The following GNG2 variants were observed in gnomAD, a reference collection of about 807,000 sequenced individuals.
GNG2 encodes guanine nucleotide-binding protein G(I)/G(S)/G(O) subunit gamma-2.
In GNG2, 5 loss-of-function variants were observed where a neutral mutation model predicts 5.5. The observed-to-expected ratio is 0.91, with a 90% CI of 0.48 to 1.92. GNG2 has a LOEUF of 1.92. GNG2 is among the 30% of genes most tolerant of loss of function. The probability of loss-of-function intolerance (pLI) is 0.01; values close to 1 mark genes in which losing one functional copy is unlikely to be tolerated. For synonymous variants in GNG2, 28 were observed against 32.0 expected (o/e 0.88, Z 0.42); for missense variants, 55 against 88.4 (o/e 0.62, Z 1.52).
At chr14:51,900,803 G>A (rs1316261981) in intron 2 of GNG2, among the ~76,000 whole-genome samples, 1 of 152,062 alleles carries the variant, frequency 6.6e-6, no homozygotes, top group East Asian at 1.9e-4. Flanking sequence ...CTAATTGCCA[G>A]AAAGAGTAGC....
chr14:51,929,786 G>T (rs1887545156), intron 2 of GNG2, among the ~76,000 whole-genome samples: 2 of 152,116 alleles, frequency 1.3e-5, no homozygotes, highest in Admixed American at 1.3e-4. Context: ...AGGACAATAT[G>T]AGGCTGGCGT....
intron 2 of GNG2, chr14:51,916,605 G>C: frequency 2.5e-6 from 1 of 406,296 alleles, no homozygotes; most frequent in South Asian, 1.8e-5. Context: ...CCATTGAGGG[G>C]GAGGAAGCCA....
chr14:51,901,068 A>T (rs1294143509), intron 2 of GNG2, among the ~76,000 whole-genome samples: 1 of 152,264 alleles, frequency 6.6e-6, no homozygotes, highest in Admixed American at 6.5e-5. Context: ...TTTCTGAATT[A>T]TCATTTTATA....
chr14:51,908,556 A>G (rs930841574), intron 2 of GNG2, among the ~76,000 whole-genome samples: 1 of 148,328 alleles, frequency 6.7e-6, no homozygotes, highest in African/African-American at 2.5e-5. Flanking sequence ...CTATCTATCT[A>G]TCTATCCATA....
chr14:51,877,040 G>A (rs911451417), intron 1 of GNG2, among the ~76,000 whole-genome samples: 1 of 152,110 alleles, frequency 6.6e-6, no homozygotes, highest in Non-Finnish European at 1.5e-5. Context: ...AGCCACAGAG[G>A]TCATTAGTGG....
rs115537425 is a variant in GNG2, at chr14:51,891,288, T to A, written c.-30+13631T>A. 4.3e-3 allele frequency among the ~76,000 whole-genome samples: 655 copies of A among 152,322 alleles called. 3 individuals are homozygous for A. The highest frequency in any genetic ancestry group is 0.015 in the African/African-American group (641 of 41,572). ...CATCTGCTTCTTGGTAGCCTTCAGATCAACAATTCCTTCCCATTTGGGGGT... is the reference window on the plus strand; with the variant it reads ...CATCTGCTTCTTGGTAGCCTTCAGAACAACAATTCCTTCCCATTTGGGGGT... On this transcript the variant is annotated intron_variant, in intron 2 of 3. Transcript: ENST00000556766.
At chr14:51,904,379 G>C (rs1211404911) in intron 2 of GNG2, among the ~76,000 whole-genome samples, 1 of 152,142 alleles carries the variant, frequency 6.6e-6, no homozygotes, top group Non-Finnish European at 1.5e-5. Flanking sequence ...TCAGAACCTA[G>C]GAAGAGAGAG....
At chr14:51,839,490 T>C (rs958433934) in intron 2 of GNG2, among the ~76,000 whole-genome samples, 1 of 152,124 alleles carries the variant, frequency 6.6e-6, no homozygotes, top group Non-Finnish European at 1.5e-5. Context: ...GGGAATAGAA[T>C]GTGAGGTGGG....
intron 2 of GNG2, among the ~76,000 whole-genome samples, chr14:51,923,977 A>T (rs1204202389): frequency 6.6e-6 from 1 of 152,132 alleles, no homozygotes; most frequent in Middle Eastern, 3.2e-3. Flanking sequence ...TGTACTTCCT[A>T]CCCCAGTCTT....
intron 2 of GNG2, among the ~76,000 whole-genome samples, chr14:51,899,971 C>T (rs1384862093): frequency 1.3e-5 from 2 of 152,174 alleles, no homozygotes; most frequent in East Asian, 3.8e-4. Flanking sequence ...GCTATGAACA[C>T]CAGTGTACAA....
At chr14:51,862,123 A>C (rs1882534357) in intron 1 of GNG2, among the ~76,000 whole-genome samples, 1 of 152,240 alleles carries the variant, frequency 6.6e-6, no homozygotes, top group Non-Finnish European at 1.5e-5. Context: ...TATCTTTATG[A>C]AATCGATATG....
chr14:51,913,106 C>A (rs1886389922), intron 2 of GNG2: 1 of 152,050 alleles, frequency 6.6e-6, no homozygotes, highest in African/African-American at 2.4e-5. Flanking sequence ...GCAAAAGTGA[C>A]CATTGTTAAC....
At chr14:51,966,483 C>A in intron 3 of GNG2, 76 bp from the exon 4 acceptor site, 1 of 1,256,592 alleles carries the variant, frequency 8.0e-7, no homozygotes. Flanking sequence ...GATGCCAGGA[C>A]ATTGGGCTCT....
At chr14:51,872,895 C>G (rs1203845095) in intron 1 of GNG2, among the ~76,000 whole-genome samples, 1 of 152,144 alleles carries the variant, frequency 6.6e-6, no homozygotes, top group Non-Finnish European at 1.5e-5. Context: ...TCTTTTATAA[C>G]ACTTTACATG....
intron 2 of GNG2, chr14:51,914,360 T>C: frequency 5.8e-6 from 4 of 693,714 alleles, no homozygotes; most frequent in Non-Finnish European, 5.3e-6. Context: ...ACAGTAACCA[T>C]AGCTCCTGCT....
intron 2 of GNG2, among the ~76,000 whole-genome samples, chr14:51,843,896 C>T (rs1377255572): frequency 2.6e-5 from 4 of 152,220 alleles, no homozygotes. Flanking sequence ...CCAACTCATG[C>T]TTCCAAGCAG....
intron 2 of GNG2, among the ~76,000 whole-genome samples, chr14:51,896,184 A>G (rs879547973): frequency 1.3e-5 from 2 of 152,246 alleles, no homozygotes; most frequent in Non-Finnish European, 2.9e-5. Flanking sequence ...ATTAACTAGG[A>G]GGATCAATGC....
At chr14:51,862,276 T>C (rs988742637) in intron 1 of GNG2, among the ~76,000 whole-genome samples, 43 of 152,350 alleles carry the variant, frequency 2.8e-4, no homozygotes, top group Middle Eastern at 3.4e-3. Context: ...AAAGTACTGC[T>C]AGTATTGAAA....
At chr14:51,955,198 A>C (rs1186451475) in intron 3 of GNG2, among the ~76,000 whole-genome samples, 1 of 152,180 alleles carries the variant, frequency 6.6e-6, no homozygotes, top group Admixed American at 6.5e-5. Context: ...ATATACTCCC[A>C]ACAGACCTTT....
Sources: allele counts gnomAD v4.1 joint callset (sites outside exome capture counted in the v4.1 genomes callset), GRCh38; gene constraint gnomAD v4.1.1; transcripts MANE v1.5; gene names NCBI Gene and HGNC (gene_info 2026-07-23, HGNC 2026-07-21).